Variants in RBM47 observed in about 807,000 individuals in gnomAD.
RBM47 encodes RNA binding motif protein 47.
Under a neutral mutation model 47.1 loss-of-function variants are expected in RBM47, and 21 were observed. That is an observed-to-expected ratio of 0.45 (90% CI 0.32 to 0.64). RBM47 has a LOEUF of 0.64. Ranked by LOEUF, RBM47 falls within the 30% of genes least tolerant of loss-of-function variation. The pLI, the probability that RBM47 is intolerant of heterozygous loss-of-function variation, is 0.05. For synonymous variants in RBM47, 375 were observed against 361.7 expected, an observed-to-expected ratio of 1.04 and a Z score of -0.42; for missense variants, 708 against 870.9, an observed-to-expected ratio of 0.81 and a Z score of 2.35.
At chr4:40,509,624 G>C (rs1054009795) in intron 2 of RBM47, among the ~76,000 whole-genome samples, 11 of 152,122 alleles carry the variant, frequency 7.2e-5, no homozygotes, top group African/African-American at 2.7e-4. Context: ...GCTTACGCCT[G>C]TAATCCCAGC....
chr4:40,609,654 T>G (rs1005852901), intron 1 of RBM47, among the ~76,000 whole-genome samples: 1 of 152,064 alleles, frequency 6.6e-6, no homozygotes, highest in African/African-American at 2.4e-5. Context: ...TTTCTCTGCT[T>G]TCTATAAATT....
chr4:40,481,470 T>TATG, intron 2 of RBM47, among the ~76,000 whole-genome samples: 1 of 131,324 alleles, frequency 7.6e-6, no homozygotes, highest in Non-Finnish European at 1.6e-5. Context: ...TTATTATTAT[T>TATG]ATTATTATTA....
intron 1 of RBM47, among the ~76,000 whole-genome samples, chr4:40,592,252 T>G (rs935087405): frequency 6.6e-6 from 1 of 150,914 alleles, no homozygotes; most frequent in Non-Finnish European, 1.5e-5. Context: ...TTACTTTTTC[T>G]TTTACTTTTT....
intron 3 of RBM47, among the ~76,000 whole-genome samples, chr4:40,445,704 CGTTTCTGATAAGGCCATA>C (rs1553880386): frequency 1.3e-5 from 2 of 152,202 alleles, no homozygotes; most frequent in Non-Finnish European, 2.9e-5. Context: ...TGTTAACATT[CGTTTCTGATAAGGCCATA>C]GTTCCCCAAG....
chr4:40,574,420 C>T (rs7674834), intron 1 of RBM47, among the ~76,000 whole-genome samples: 77,193 of 152,108 alleles, frequency 0.51, 23,666 homozygotes, highest in African/African-American at 0.87. Flanking sequence ...TTCCAGATTC[C>T]AAAAATAATT....
intron 2 of RBM47, among the ~76,000 whole-genome samples, chr4:40,501,387 A>G (rs891439283): frequency 2.6e-5 from 4 of 152,210 alleles, no homozygotes; most frequent in Admixed American, 1.3e-4. Context: ...CTAACCTCAG[A>G]GGGTGGAGAG....
intron 3 of RBM47, among the ~76,000 whole-genome samples, chr4:40,439,142 GA>G (rs779918076): frequency 1.2e-3 from 176 of 146,244 alleles, no homozygotes; most frequent in African/African-American, 3.3e-3. Flanking sequence ...AGTTAGGAGA[GA>G]AAAAAAAAAA....
chr4:40,583,476 G>GA (rs1733191709), intron 1 of RBM47, among the ~76,000 whole-genome samples: 1 of 151,374 alleles, frequency 6.6e-6, no homozygotes. Context: ...GGAGGCTGAG[G>GA]AAACTCCTGG....
intron 3 of RBM47, among the ~76,000 whole-genome samples, chr4:40,439,538 G>T (rs1713301459): frequency 6.6e-6 from 1 of 152,182 alleles, no homozygotes; most frequent in Admixed American, 6.5e-5. Flanking sequence ...ATCTGATTTT[G>T]ATGGTGGCAT....
chr4:40,580,584 G>A (rs1732793761), intron 1 of RBM47, among the ~76,000 whole-genome samples: 1 of 152,102 alleles, frequency 6.6e-6, no homozygotes, highest in African/African-American at 2.4e-5. Flanking sequence ...CCCACCAACC[G>A]CCCATGGGCT....
At position 40,629,462 on chromosome 4, in the gene RBM47, C is replaced by T. The variant is rs1387798491; in HGVS notation, c.-306G>A. 6.6e-6 allele frequency: 1 copy of T among 152,184 alleles called. No individual in the cohort carries two copies. The highest frequency in any genetic ancestry group is 1.5e-5 in the Non-Finnish European group (1 of 68,018). The allele number at this position is 152,184 out of a possible 1,614,324, so 9.4% of individuals were successfully genotyped here. On this transcript the variant is annotated 5_prime_UTR_variant, in exon 1 of 7. Transcript: ENST00000295971. ...AACACCATTCACAGCCCAGGAGCAA[C>T]TTAACACAGCTAGGAAGTCACCTAC...
At chr4:40,477,397 G>A (rs1377153925) in intron 2 of RBM47, among the ~76,000 whole-genome samples, 1 of 152,030 alleles carries the variant, frequency 6.6e-6, no homozygotes, top group Non-Finnish European at 1.5e-5. Flanking sequence ...AAACTAAATC[G>A]CTATGTTCTG....
Position 40,573,107 on chromosome 4 carries a change from T to G in RBM47, c.-239-28601A>C, listed in dbSNP as rs80091588. ...GGCAGAGGTTGCAATGAGCCGACAT[T>G]GCGCCATTATACTCCAGACTAGGTG... On this transcript the variant is annotated intron_variant, in intron 1 of 6. Coordinates refer to ENST00000295971, the MANE Select transcript of RBM47 (RefSeq NM_001098634.2). 5.4e-4 allele frequency among the ~76,000 whole-genome samples: 78 copies of G among 145,410 alleles called. 1 individual carries two copies. The highest frequency in any genetic ancestry group is 1.0e-3 in the Non-Finnish European group (69 of 66,454).
At chr4:40,434,753 A>C (rs1245955432) in intron 5 of RBM47, among the ~76,000 whole-genome samples, 1 of 151,202 alleles carries the variant, frequency 6.6e-6, no homozygotes, top group African/African-American at 2.4e-5. Flanking sequence ...ATCAAAAGAA[A>C]GTTCAATTGG....
intron 3 of RBM47, among the ~76,000 whole-genome samples, chr4:40,455,840 G>A (rs1320009840): frequency 2.0e-5 from 3 of 152,190 alleles, no homozygotes; most frequent in African/African-American, 7.2e-5. Context: ...AGATGGTCAA[G>A]AATAAATGTT....
chr4:40,481,642 C>T (rs1347659304), intron 2 of RBM47, among the ~76,000 whole-genome samples: 2 of 151,532 alleles, frequency 1.3e-5, no homozygotes, highest in Non-Finnish European at 2.9e-5. Context: ...ACCTCTGCCT[C>T]CCAGGTTCAA....
chr4:40,617,368 C>G (rs913398807), intron 1 of RBM47, among the ~76,000 whole-genome samples: 5 of 151,758 alleles, frequency 3.3e-5, no homozygotes, highest in African/African-American at 1.2e-4. Context: ...ACCATCCTGT[C>G]CAACATGGTG....
intron 2 of RBM47, among the ~76,000 whole-genome samples, chr4:40,469,308 G>A (rs928994960): frequency 7.9e-5 from 12 of 152,072 alleles, no homozygotes; most frequent in Admixed American, 1.3e-4. Flanking sequence ...AAGGATCACA[G>A]ATGTGCCTTT....
At chr4:40,562,461 ATTTTTTTT>A (rs67887812) in intron 1 of RBM47, among the ~76,000 whole-genome samples, 1 of 113,750 alleles carries the variant, frequency 8.8e-6, no homozygotes, top group African/African-American at 3.5e-5. Context: ...ACTTCTCCCT[ATTTTTTTT>A]TTTTTTTTTT....
Sources: gnomAD v4.1 joint callset for allele counts (sites outside exome capture counted in the v4.1 genomes callset) on GRCh38, gnomAD v4.1.1 for gene constraint, MANE v1.5 for transcripts, NCBI Gene and HGNC (gene_info 2026-07-23, HGNC 2026-07-21) for gene names.